Variants in AEBP2 observed in about 807,000 individuals in gnomAD.
The protein encoded by AEBP2 is AE binding protein 2.
In AEBP2, 10 loss-of-function variants were observed where a neutral mutation model predicts 50.8. The ratio of observed to expected loss-of-function variants is 0.20; its 90% CI spans 0.12 to 0.33. The LOEUF (loss-of-function observed/expected upper bound fraction) is 0.33, where lower values mean the gene tolerates loss of function less well. Among genes scored for constraint, AEBP2 ranks in the 10% least tolerant of loss-of-function variants. The pLI is 1.00. For missense variants in AEBP2, 570 were observed against 688.0 expected (o/e 0.83, Z 1.92); for synonymous variants, 296 against 261.3 (o/e 1.13, Z -1.28).
chr12:19,413,432 T>C lies in AEBP2; in HGVS notation c.-17+9216T>C, dbSNP rs140669893. The C allele has an allele frequency of 4.7e-4, 524 of 1,123,118 alleles. 2 individuals carry two copies. The African/African-American group carries it at 7.4e-3, about 16-fold the overall frequency. The allele number at this position is 1,123,118 out of a possible 1,614,324, so 69.6% of individuals were successfully genotyped here. ...GTGAAATTCAACAGAAGAAAAGTAATGGACTCTGATGAAGAAGACGATTAT... is the reference window on the plus strand; with the variant it reads ...GTGAAATTCAACAGAAGAAAAGTAACGGACTCTGATGAAGAAGACGATTAT... On this transcript the variant is annotated intron_variant, in intron 1 of 3. Coordinates refer to the AEBP2 transcript ENST00000538425.
At position 19,426,351 on chromosome 12, in the gene AEBP2, G is replaced by A. The variant is rs538843047; in HGVS notation, c.-17+22135G>A. ...TTCAACAGCACCTAAAAGGACAGAG[G>A]AGAGAGCTGAAATTCCACTGACTTT... is the stretch of plus-strand genomic sequence containing the variant. On this transcript the variant is annotated intron_variant, in intron 1 of 3. Coordinates refer to the AEBP2 transcript ENST00000538425. Among the ~76,000 whole-genome samples the A allele has an allele frequency of 2.6e-5, 4 of 152,318 alleles. No individual in the cohort carries two copies. The South Asian group carries it at 6.2e-4, about 24-fold the overall frequency.
intron 4 of AEBP2, 22 bp downstream of exon 4, chr12:19,494,008 TCTGGTGTATTTC>T (rs2120455805): frequency 6.6e-7 from 1 of 1,515,860 alleles, no homozygotes; most frequent in Non-Finnish European, 8.9e-7. Context: ...ACTGAGAAAA[TCTGGTGTATTTC>T]ATGGTTTTAA....
chr12:19,445,688 G>C (rs1302351271), intron 1 of AEBP2, among the ~76,000 whole-genome samples: 2 of 152,214 alleles, frequency 1.3e-5, no homozygotes, highest in African/African-American at 2.4e-5. Context: ...TCAATCAGGT[G>C]TTAGATGTAT....
intron 1 of AEBP2, among the ~76,000 whole-genome samples, chr12:19,421,083 A>C (rs1478611930): frequency 6.6e-6 from 1 of 152,034 alleles, no homozygotes; most frequent in Non-Finnish European, 1.5e-5. Flanking sequence ...GGTGACTCAC[A>C]CCTGTAATCC....
chr12:19,515,447 ATAGT>A (rs1949303968), intron 7 of AEBP2, among the ~76,000 whole-genome samples: 1 of 152,210 alleles, frequency 6.6e-6, no homozygotes. Context: ...AAGAGGTTAA[ATAGT>A]TAATCTGCCC....
chr12:19,404,090 T>G (rs1221194412), exon 1 of AEBP2: 1 of 152,314 alleles, frequency 6.6e-6, no homozygotes, highest in African/African-American at 2.4e-5. Context: ...CGCTCGACCC[T>G]CGGTTCTGGA....
chr12:19,405,616 G>A (rs547880329), intron 1 of AEBP2, among the ~76,000 whole-genome samples: 3 of 152,186 alleles, frequency 2.0e-5, no homozygotes, highest in East Asian at 1.9e-4. Context: ...GATCCACTGC[G>A]CCCGGCTGGA....
intron 5 of AEBP2, among the ~76,000 whole-genome samples, chr12:19,502,268 G>A (rs942451723): frequency 2.6e-5 from 4 of 152,048 alleles, no homozygotes; most frequent in East Asian, 3.9e-4. Context: ...CCGAGTAGCC[G>A]GATTACAGGT....
intron 2 of AEBP2, among the ~76,000 whole-genome samples, chr12:19,469,343 A>G (rs1948536951): frequency 1.3e-5 from 2 of 152,208 alleles, no homozygotes; most frequent in Non-Finnish European, 1.5e-5. Flanking sequence ...ATATAAACCC[A>G]GTTGTTTCAT....
At chr12:19,410,918 T>G (rs1455566098) in intron 1 of AEBP2, among the ~76,000 whole-genome samples, 2 of 152,184 alleles carry the variant, frequency 1.3e-5, no homozygotes, top group Non-Finnish European at 2.9e-5. Flanking sequence ...TAACTTGCAT[T>G]GCAGGTGCTA....
At chr12:19,483,380 T>C (rs1283514746) in intron 3 of AEBP2, among the ~76,000 whole-genome samples, 1 of 152,192 alleles carries the variant, frequency 6.6e-6, no homozygotes, top group Admixed American at 6.5e-5. Context: ...AGTGGGGTTG[T>C]GTGTGTGGAG....
intron 1 of AEBP2, among the ~76,000 whole-genome samples, chr12:19,448,484 CA>C (rs796257949): frequency 1.8e-3 from 219 of 123,002 alleles, no homozygotes; most frequent in Non-Finnish European, 1.6e-3. Context: ...GACTCCATCT[CA>C]AAAAAAAAAA....
intron 1 of AEBP2, among the ~76,000 whole-genome samples, chr12:19,406,586 A>G: frequency 6.7e-6 from 1 of 149,800 alleles, no homozygotes. Flanking sequence ...AGGCTGAGAC[A>G]GGAGAATTCG....
intron 5 of AEBP2, among the ~76,000 whole-genome samples, chr12:19,500,865 G>A (rs1414715218): frequency 6.6e-6 from 1 of 152,150 alleles, no homozygotes; most frequent in Non-Finnish European, 1.5e-5. Context: ...TTATTTTTTG[G>A]TTAATTAGGA....
At chr12:19,508,637 C>T (rs924439336) in intron 5 of AEBP2, among the ~76,000 whole-genome samples, 22 of 151,994 alleles carry the variant, frequency 1.4e-4, no homozygotes. Context: ...AAATATATTG[C>T]TTTTCTTATA....
Position 19,440,484 on chromosome 12 carries a change from C to T in AEBP2, c.671+114C>T. 3.6e-6 allele frequency: 5 copies of T among 1,404,882 alleles called. No individual in the cohort carries two copies. The South Asian group carries it at 6.4e-5, about 18-fold the overall frequency. 87.0% of individuals were successfully genotyped at this position (1,404,882 alleles called of 1,614,324 possible). A position where few individuals can be genotyped will look rare whatever the true frequency, so the allele number is the denominator to read the frequency against. The stretch of plus-strand genomic sequence containing the variant: ...TCCCCCTGCTCCCCGAATCCTCGGC[C>T]CCTCCCCCAGACTCTCAACTCGGAA... On this transcript the variant is annotated intron_variant, in intron 1 of 7. Transcript: ENST00000266508.
In AEBP2 at chr12:19,445,518, G is replaced by A. The variant is rs561443707; in HGVS notation, c.671+5148G>A. On this transcript the variant is annotated intron_variant, in intron 1 of 7. Transcript: ENST00000266508. ...CATGAGCCACCGTGCCCGGCCTCAT[G>A]CCAGGTACTCTTCTAAATGCTGGGG... Among the ~76,000 whole-genome samples the A allele has an allele frequency of 4.6e-5, 7 of 152,222 alleles. No individual in the cohort carries two copies. In the South Asian group the frequency reaches 1.5e-3, roughly 32 times the overall value.
At chr12:19,505,961 T>A (rs1357475205) in intron 5 of AEBP2, among the ~76,000 whole-genome samples, 11 of 152,072 alleles carry the variant, frequency 7.2e-5, no homozygotes, top group South Asian at 6.2e-4. Context: ...GTTTTTTTTT[T>A]ATTTTTTCTT....
intron 2 of AEBP2, among the ~76,000 whole-genome samples, chr12:19,471,946 T>C (rs1254512147): frequency 6.6e-6 from 1 of 152,226 alleles, no homozygotes; most frequent in Admixed American, 6.5e-5. Context: ...TTGGGAATTT[T>C]GAGTATGAAG....
Sources: allele counts gnomAD v4.1 joint callset (sites outside exome capture counted in the v4.1 genomes callset), GRCh38; gene constraint gnomAD v4.1.1; transcripts MANE v1.5; gene names NCBI Gene and HGNC (gene_info 2026-07-23, HGNC 2026-07-21).